The following RAF1 variants were observed in gnomAD, a reference collection of about 807,000 sequenced individuals.
RAF1 encodes Raf-1 proto-oncogene, serine/threonine kinase.
RAF1 carries 27 observed loss-of-function variants against 81.1 expected under a neutral mutation model. The observed-to-expected ratio is 0.33, with a 90% CI of 0.25 to 0.46. RAF1 has a LOEUF of 0.46. Ranked by LOEUF, RAF1 falls within the 20% of genes least tolerant of loss-of-function variation. RAF1 has a pLI of 1.00. For missense variants in RAF1, 598 were observed against 826.0 expected, an observed-to-expected ratio of 0.72 and a Z score of 3.38; for synonymous variants, 298 against 294.0, an observed-to-expected ratio of 1.01 and a Z score of -0.14.
At chr3:12,598,748 AAAAAACC>A (rs1559418232) in intron 11 of RAF1, among the ~76,000 whole-genome samples, 4 of 142,100 alleles carry the variant, frequency 2.8e-5, no homozygotes, top group Non-Finnish European at 3.2e-5. Flanking sequence ...AAAAAAAAAA[AAAAAACC>A]ACCAAGTACT....
rs2059094072 is a variant in RAF1 at position 12,608,009 on chromosome 3, TTG to T, written c.581+755_581+756del. ...CAAAAATAAGATAAATTTTAAAAGCTTGTGCCATTTGTGCTACTCAAGCTCTC... is the reference window on the plus strand; with the variant it reads ...CAAAAATAAGATAAATTTTAAAAGCTTGCCATTTGTGCTACTCAAGCTCTC... On this transcript the variant is annotated intron_variant, in intron 5 of 17. Coordinates refer to ENST00000442415, the MANE Select transcript of RAF1 (RefSeq NM_001354689.3). Among the ~76,000 whole-genome samples, 4 of 148,050 alleles carry T rather than the reference TTG, an allele frequency of 2.7e-5. No individual in the cohort carries two copies. In the Admixed American group the frequency reaches 2.7e-4, roughly 10 times the overall value.
intron 1 of RAF1, among the ~76,000 whole-genome samples, chr3:12,656,209 C>A (rs994397873): frequency 5.3e-5 from 8 of 151,014 alleles, no homozygotes; most frequent in Admixed American, 4.7e-4. Flanking sequence ...AGACTAAGGT[C>A]AAAAATGGTA....
At chr3:12,624,331 A>G (rs867599348) in intron 1 of RAF1, among the ~76,000 whole-genome samples, 2 of 152,196 alleles carry the variant, frequency 1.3e-5, no homozygotes, top group African/African-American at 2.4e-5. Context: ...TATCAACGCA[A>G]ACATCTGAAA....
intron 11 of RAF1, among the ~76,000 whole-genome samples, chr3:12,598,156 C>A (rs1206825066): frequency 6.6e-6 from 1 of 151,278 alleles, no homozygotes; most frequent in East Asian, 2.0e-4. Flanking sequence ...GTAGCTGGGA[C>A]TACAGGCGAG....
chr3:12,586,760 C>T (rs115244785), intron 14 of RAF1: 1 of 152,192 alleles, frequency 6.6e-6, no homozygotes, highest in Non-Finnish European at 1.5e-5. Context: ...ATTTACTCTT[C>T]TATAAAAACA....
rs2058956944 is a variant in RAF1, at chr3:12,604,251, A to C, written c.719T>G (p.Phe240Cys). Residue 240 changes from phenylalanine to cysteine, a missense_variant, in exon 7 of 18, where the codon TTT becomes TGT. This residue lies in a region of RAF1 where 194 missense variants were observed against 202.7 expected (regional missense o/e 0.96). Transcript: ENST00000442415. ...TTCAGATGAGGGACTGGAGGTGTTA[A>C]AGGTGAAGGCGTGAGGTGTAGAATA... 3 of 1,614,180 alleles carry C rather than the reference A, an allele frequency of 1.9e-6. 1 individual carries two copies. The highest frequency in any genetic ancestry group is 2.2e-5 in the East Asian group (1 of 44,882).
chr3:12,654,492 C>G (rs2060625676), intron 1 of RAF1, among the ~76,000 whole-genome samples: 1 of 151,668 alleles, frequency 6.6e-6, no homozygotes, highest in Admixed American at 6.6e-5. Flanking sequence ...GTCCCAGCTA[C>G]TCAGCAGGTT....
chr3:12,636,407 G>C (rs559562329), intron 1 of RAF1, among the ~76,000 whole-genome samples: 1 of 145,940 alleles, frequency 6.9e-6, no homozygotes, highest in Non-Finnish European at 1.5e-5. Flanking sequence ...AGTAGTTCAA[G>C]ACCAGCCTGG....
At position 12,583,769 on chromosome 3, in the gene RAF1, T is replaced by C. The variant is rs184079412; in HGVS notation, c.*745A>G. On this transcript the variant is annotated 3_prime_UTR_variant, in exon 18 of 18. Coordinates refer to ENST00000442415, the MANE Select transcript of RAF1 (RefSeq NM_001354689.3). ...GATGTGACTAGAGAAACAAGGCTGT[T>C]TGTTTGTTTGTTTGTTAGAGAAACA... 2.0e-5 allele frequency: 4 copies of C among 199,708 alleles called. No individual in the cohort carries two copies. Among genetic ancestry groups the C allele is most frequent in the Non-Finnish European group, 4.2e-5 (4 of 96,112 alleles). 12.4% of individuals were successfully genotyped at this position (199,708 alleles called of 1,614,324 possible). A position where few individuals can be genotyped will look rare whatever the true frequency, so the allele number is the denominator to read the frequency against.
rs547546493 is a variant in RAF1 at position 12,583,614 on chromosome 3, T to G, written c.*900A>C. On this transcript the variant is annotated 3_prime_UTR_variant, in exon 18 of 18. Transcript: ENST00000442415. The stretch of plus-strand genomic sequence containing the variant: ...AACAGCCAGCCATTACACCTAAATT[T>G]AATTTATTTTATTAAAATAACATAA... The G allele has an allele frequency of 1.3e-5, 3 of 231,594 alleles. No individual in the cohort carries two copies. Among genetic ancestry groups the G allele is most frequent in the African/African-American group, 6.6e-5 (3 of 45,262 alleles). The allele number at this position is 231,594 out of a possible 1,614,324, so 14.3% of individuals were successfully genotyped here.
intron 1 of RAF1, among the ~76,000 whole-genome samples, chr3:12,633,152 G>A (rs1446947646): frequency 6.6e-6 from 1 of 152,010 alleles, no homozygotes; most frequent in African/African-American, 2.4e-5. Flanking sequence ...AGGAATATCA[G>A]GCTTTTTAGG....
chr3:12,638,947 A>T (rs867272129), intron 1 of RAF1, among the ~76,000 whole-genome samples: 6 of 152,192 alleles, frequency 3.9e-5, no homozygotes, highest in Non-Finnish European at 7.3e-5. Context: ...AACATGATGG[A>T]TTACGTTTAT....
chr3:12,616,668 T>C (rs906712522), intron 2 of RAF1, among the ~76,000 whole-genome samples: 1 of 152,148 alleles, frequency 6.6e-6, no homozygotes, highest in Non-Finnish European at 1.5e-5. Context: ...ATTAACAAAT[T>C]GGGAAGAGTG....
chr3:12,606,085 G>A (rs2059019461), intron 6 of RAF1, 116 bp downstream of exon 6: 3 of 738,176 alleles, frequency 4.1e-6, no homozygotes, highest in Non-Finnish European at 7.1e-6. Flanking sequence ...GAAGCAGCAA[G>A]GGGTTTCCAC....
chr3:12,619,081 TA>T, intron 1 of RAF1, among the ~76,000 whole-genome samples: 1 of 150,868 alleles, frequency 6.6e-6, no homozygotes, highest in East Asian at 2.0e-4. Flanking sequence ...CCATCTCTAC[TA>T]AAAATACAAA....
chr3:12,590,934 T>C lies in RAF1; in HGVS notation c.1294A>G (p.Met432Val), dbSNP rs1231291103. 5 of 1,613,190 alleles carry C rather than the reference T, an allele frequency of 3.1e-6. No individual in the cohort carries two copies. Among genetic ancestry groups the C allele is most frequent in the Admixed American group, 3.3e-5 (2 of 59,998 alleles). ...ACAATTGCCAGGTTGTCCTTTGTCATGTACCCCATGAAAAGCAGAATGTTC... is the reference window on the plus strand; with the variant it reads ...ACAATTGCCAGGTTGTCCTTTGTCACGTACCCCATGAAAAGCAGAATGTTC... The change falls in exon 13 of 18, where the codon ATG becomes GTG. Residue 432 changes from methionine to valine, a missense_variant. By Grantham distance (21) the Met-to-Val change is conservative. Transcript: ENST00000442415.
intron 1 of RAF1, among the ~76,000 whole-genome samples, chr3:12,655,561 T>C (rs2060665730): frequency 6.6e-6 from 1 of 152,188 alleles, no homozygotes; most frequent in Non-Finnish European, 1.5e-5. Context: ...GATCCAGTAA[T>C]TCTACTCCTG....
chr3:12,616,671 G>C (rs1041390336), intron 2 of RAF1, among the ~76,000 whole-genome samples: 1 of 152,174 alleles, frequency 6.6e-6, no homozygotes, highest in Non-Finnish European at 1.5e-5. Context: ...AACAAATTGG[G>C]AAGAGTGGAA....
At chr3:12,585,467 C>T in intron 15 of RAF1, 1 of 981,430 alleles carries the variant, frequency 1.0e-6, no homozygotes, top group Non-Finnish European at 1.2e-6. Context: ...ATTTCTGTCA[C>T]CCAGCTTATT....
Sources: gnomAD v4.1 joint callset for allele counts (sites outside exome capture counted in the v4.1 genomes callset) on GRCh38, gnomAD v4.1.1 for gene constraint, gnomAD v4.1.1 regional missense constraint, MANE v1.5 for transcripts, NCBI Gene and HGNC (gene_info 2026-07-23, HGNC 2026-07-21) for gene names.